The following MDGA2 variants were observed in gnomAD, a reference collection of about 807,000 sequenced individuals.
The protein encoded by MDGA2 is MAM domain-containing glycosylphosphatidylinositol anchor protein 2.
Under a neutral mutation model 117.8 loss-of-function variants are expected in MDGA2, and 40 were observed. That is an observed-to-expected ratio of 0.34 (90% confidence interval 0.26 to 0.44). The LOEUF is 0.44. Among genes scored for constraint, MDGA2 ranks in the 20% least tolerant of loss-of-function variants. MDGA2 has a pLI of 1.00. For synonymous variants in MDGA2, 452 were observed against 439.0 expected (o/e 1.03, Z -0.37); for missense variants, 1,123 against 1,250.6 (o/e 0.90, Z 1.54).
At chr14:47,071,969 A>G (rs1890297260) in intron 6 of MDGA2, among the ~76,000 whole-genome samples, 1 of 152,068 alleles carries the variant, frequency 6.6e-6, no homozygotes, top group Admixed American at 6.5e-5. Flanking sequence ...GGAGTCTGTC[A>G]CCATCGTATA....
intron 5 of MDGA2, among the ~76,000 whole-genome samples, chr14:47,121,984 T>C (rs1372343409): frequency 6.6e-6 from 1 of 151,982 alleles, no homozygotes; most frequent in Non-Finnish European, 1.5e-5. Flanking sequence ...AAATTCTGTA[T>C]GCCTAAACTT....
chr14:46,924,126 G>T (rs896627694), intron 9 of MDGA2, among the ~76,000 whole-genome samples: 3 of 151,370 alleles, frequency 2.0e-5, no homozygotes, highest in Admixed American at 2.0e-4. Flanking sequence ...GGTAAATTTT[G>T]GAATCATCAT....
At chr14:47,189,935 G>A (rs1172879092) in intron 3 of MDGA2, among the ~76,000 whole-genome samples, 2 of 152,076 alleles carry the variant, frequency 1.3e-5, no homozygotes, top group Non-Finnish European at 1.5e-5. Context: ...GTGTTACAAT[G>A]CCCTAGTAAA....
At chr14:46,911,556 C>A (rs987324738) in intron 10 of MDGA2, among the ~76,000 whole-genome samples, 3 of 152,074 alleles carry the variant, frequency 2.0e-5, no homozygotes, top group Non-Finnish European at 2.9e-5. Flanking sequence ...TTAACTACAA[C>A]TGAAAATGAT....
intron 9 of MDGA2, among the ~76,000 whole-genome samples, chr14:46,949,034 C>A (rs1246033692): frequency 1.3e-5 from 2 of 152,000 alleles, no homozygotes; most frequent in African/African-American, 4.8e-5. Context: ...TTTCTATGAT[C>A]ATACTGCTTT....
intron 1 of MDGA2, among the ~76,000 whole-genome samples, chr14:47,550,209 T>C (rs1341833373): frequency 1.3e-5 from 2 of 152,218 alleles, no homozygotes; most frequent in Non-Finnish European, 2.9e-5. Context: ...CAGGTTCATA[T>C]ACTCTAGTAA....
chr14:47,339,347 G>A (rs776190701), intron 1 of MDGA2, among the ~76,000 whole-genome samples: 1 of 152,058 alleles, frequency 6.6e-6, no homozygotes, highest in Non-Finnish European at 1.5e-5. Context: ...TTTAAAAATA[G>A]TATTCTGTAA....
At chr14:47,448,831 C>T (rs1476620867) in intron 1 of MDGA2, among the ~76,000 whole-genome samples, 1 of 152,110 alleles carries the variant, frequency 6.6e-6, no homozygotes, top group Non-Finnish European at 1.5e-5. Flanking sequence ...TGAAGGCAGT[C>T]ATGTGGAACG....
intron 1 of MDGA2, among the ~76,000 whole-genome samples, chr14:47,488,962 TAAA>T (rs957263345): frequency 6.6e-6 from 1 of 151,928 alleles, no homozygotes; most frequent in Non-Finnish European, 1.5e-5. Flanking sequence ...ACAACATAAT[TAAA>T]AAACTAATCA....
intron 10 of MDGA2, among the ~76,000 whole-genome samples, chr14:46,890,956 A>G (rs373147893): frequency 1.1e-4 from 16 of 152,150 alleles, no homozygotes; most frequent in African/African-American, 3.9e-4. Flanking sequence ...CACATACAAT[A>G]AAACAGAACT....
intron 1 of MDGA2, among the ~76,000 whole-genome samples, chr14:47,505,210 G>A (rs1894486240): frequency 6.6e-6 from 1 of 152,096 alleles, no homozygotes; most frequent in Non-Finnish European, 1.5e-5. Flanking sequence ...AAAGGGGAGA[G>A]GGAAGGGAAA....
intron 9 of MDGA2, among the ~76,000 whole-genome samples, chr14:46,939,992 A>G (rs1884936599): frequency 6.6e-6 from 1 of 152,100 alleles, no homozygotes; most frequent in Non-Finnish European, 1.5e-5. Flanking sequence ...AACTACATCT[A>G]CTTCAAGAAA....
intron 1 of MDGA2, among the ~76,000 whole-genome samples, chr14:47,641,542 G>T (rs1295531739): frequency 2.0e-5 from 3 of 152,044 alleles, no homozygotes; most frequent in East Asian, 3.8e-4. Flanking sequence ...ATACCAAAAA[G>T]AAACAGCATT....
intron 2 of MDGA2, among the ~76,000 whole-genome samples, chr14:47,280,417 T>C (rs1029683834): frequency 6.6e-6 from 1 of 151,022 alleles, no homozygotes; most frequent in African/African-American, 2.4e-5. Flanking sequence ...TACAATTCAT[T>C]AAATATTGTA....
chr14:47,663,909 A>T (rs1897895401), intron 1 of MDGA2, among the ~76,000 whole-genome samples: 2 of 152,318 alleles, frequency 1.3e-5, no homozygotes, highest in South Asian at 4.1e-4. Flanking sequence ...CTTGAAGACT[A>T]TTAAGAATAC....
intron 3 of MDGA2, among the ~76,000 whole-genome samples, chr14:47,186,700 G>A (rs1331150177): frequency 6.6e-6 from 1 of 151,930 alleles, no homozygotes; most frequent in Non-Finnish European, 1.5e-5. Context: ...ATTAACCAAT[G>A]TGCCTTAAAC....
intron 7 of MDGA2, among the ~76,000 whole-genome samples, chr14:47,037,245 C>A (rs1888888087): frequency 6.6e-6 from 1 of 152,100 alleles, no homozygotes. Flanking sequence ...GTGACAGGCA[C>A]AATTAAGGAT....
chr14:47,069,439 A>C (rs1456390328), intron 6 of MDGA2, among the ~76,000 whole-genome samples: 1 of 152,172 alleles, frequency 6.6e-6, no homozygotes, highest in African/African-American at 2.4e-5. Flanking sequence ...TCCCTGGTTC[A>C]TTTGAGTTCT....
chr14:47,209,290 G>A (rs1885799044), intron 3 of MDGA2, among the ~76,000 whole-genome samples: 1 of 152,024 alleles, frequency 6.6e-6, no homozygotes, highest in South Asian at 2.1e-4. Flanking sequence ...TCATATTGTA[G>A]GTCATCAGTT....
Sources: allele counts gnomAD v4.1 joint callset (sites outside exome capture counted in the v4.1 genomes callset), GRCh38; gene constraint gnomAD v4.1.1; transcripts MANE v1.5; gene names NCBI Gene and HGNC (gene_info 2026-07-23, HGNC 2026-07-21).